The following GFI1B variants were observed in gnomAD, a reference collection of about 807,000 sequenced individuals.
The protein encoded by GFI1B is zinc finger protein Gfi-1b.
Under a neutral mutation model 35.3 loss-of-function variants are expected in GFI1B, and 20 were observed. That is an observed-to-expected ratio of 0.57 (90% CI 0.40 to 0.82). The LOEUF (loss-of-function observed/expected upper bound fraction) is 0.82, where lower values mean the gene tolerates loss of function less well. Ranked by LOEUF, GFI1B falls within the 40% of genes least tolerant of loss-of-function variation. The pLI is 0.00. For synonymous variants in GFI1B, 178 were observed against 177.6 expected (o/e 1.00, Z -0.02); for missense variants, 430 against 446.3 (o/e 0.96, Z 0.33).
chr9:132,974,993 G>C (rs571894730), upstream of GFI1B: 3 of 152,298 alleles, frequency 2.0e-5, no homozygotes, highest in African/African-American at 7.2e-5. Context: ...TACTGGGCAC[G>C]GTGGCATGCA....
chr9:132,988,411 C>G lies in GFI1B; in HGVS notation c.453C>G (p.Asp151Glu). Residue 151 changes from aspartate to glutamate, a missense_variant, in exon 4 of 7, where the codon GAC (aspartate) becomes GAG (glutamate). Transcript: ENST00000372122. ...TGCCCAGCACTGAGCCCGCCTTGGA[C>G]TTCAGCCTCCGCTACTCCCCAGGCA... ...PLVPSTEPAL[D>E]FSLRYSPGMD... is the part of the protein sequence containing the mutation. The G allele has an allele frequency of 6.2e-7, 1 of 1,614,110 alleles. No individual in the cohort carries two copies. The highest frequency in any genetic ancestry group is 8.5e-7 in the Non-Finnish European group (1 of 1,179,990).
chr9:132,950,223 A>T (rs1007191296), intron 1 of GFI1B, among the ~76,000 whole-genome samples: 9 of 152,120 alleles, frequency 5.9e-5, no homozygotes, highest in African/African-American at 2.2e-4. Flanking sequence ...ATGGCCAAAC[A>T]TGCTTTCCTT....
intron 3 of GFI1B, 87 bp downstream of exon 3, chr9:132,987,506 C>A: frequency 1.3e-6 from 2 of 1,506,354 alleles, no homozygotes; most frequent in Non-Finnish European, 1.8e-6. Flanking sequence ...CCCCTTGGGG[C>A]CCTGGAGTCA....
At chr9:132,953,975 C>T (rs1005167712) in intron 1 of GFI1B, among the ~76,000 whole-genome samples, 4 of 152,042 alleles carry the variant, frequency 2.6e-5, no homozygotes, top group Non-Finnish European at 5.9e-5. Flanking sequence ...AAACTATACA[C>T]TTCTATTTCC....
At chr9:132,960,529 C>T (rs1034790617) in intron 1 of GFI1B, among the ~76,000 whole-genome samples, 2 of 151,918 alleles carry the variant, frequency 1.3e-5, no homozygotes, top group Non-Finnish European at 2.9e-5. Context: ...GACAGGATCT[C>T]GCTTTGTCCC....
rs543789255 is a variant in GFI1B, at chr9:132,979,728, A to C, written c.-21+887A>C. On this transcript the variant is annotated intron_variant, in intron 1 of 6. Coordinates refer to ENST00000372122, the MANE Select transcript of GFI1B (RefSeq NM_001377304.1). Reference sequence around the variant, plus strand: ...CCCTTTCCACCTATTTTTGGAGAAAAAAAACCAAGTTTAAGTGTTGAGGCA... The same window carrying C: ...CCCTTTCCACCTATTTTTGGAGAAACAAAACCAAGTTTAAGTGTTGAGGCA... 3.9e-5 allele frequency among the ~76,000 whole-genome samples: 6 copies of C among 152,274 alleles called. No individual in the cohort carries two copies. In the East Asian group the frequency reaches 1.2e-3, roughly 29 times the overall value.
In GFI1B at chr9:132,991,298, T is replaced by C. The variant is rs1588444824; in HGVS notation, c.*248T>C. 1.8e-6 allele frequency: 1 copy of C among 559,434 alleles called. No homozygotes were observed. The highest frequency in any genetic ancestry group is 2.0e-5 in the South Asian group (1 of 49,982). 34.7% of individuals were successfully genotyped at this position (559,434 alleles called of 1,614,324 possible). On this transcript the variant is annotated 3_prime_UTR_variant, in exon 7 of 7. Coordinates refer to ENST00000372122, the MANE Select transcript of GFI1B (RefSeq NM_001377304.1). ...TTTCTCAGCAGAAGTTGTTTCCAGG[T>C]GTGCTCAAGTGCCTTCCTCTAGCAG...
chr9:132,987,642 C>T (rs923103774), intron 3 of GFI1B, among the ~76,000 whole-genome samples: 3 of 152,066 alleles, frequency 2.0e-5, no homozygotes, highest in South Asian at 2.1e-4. Flanking sequence ...GCAGCTGGGC[C>T]GGTCCGTGCA....
rs111313755 is a variant in GFI1B at position 132,982,947 on chromosome 9, G to A, written c.-20-3712G>A. Among the ~76,000 whole-genome samples, 41 of 152,254 alleles carry A rather than the reference G, an allele frequency of 2.7e-4. 1 individual carries two copies. The highest frequency in any genetic ancestry group is 8.9e-4 in the African/African-American group (37 of 41,542). On this transcript the variant is annotated intron_variant, in intron 1 of 6. Transcript: ENST00000372122. Reference sequence around the variant, plus strand: ...CCAGAAGCCAGCCCCATCTTGCCCTGTGCCTAAGTGAAAAGTGCTTGGCCA... The same window carrying A: ...CCAGAAGCCAGCCCCATCTTGCCCTATGCCTAAGTGAAAAGTGCTTGGCCA...
At chr9:132,977,201 C>A (rs1158268871), upstream of GFI1B, among the ~76,000 whole-genome samples, 1 of 152,148 alleles carries the variant, frequency 6.6e-6, no homozygotes, top group African/African-American at 2.4e-5. Flanking sequence ...AAGTGATCCT[C>A]GCCTGCCTCG....
At position 132,968,355 on chromosome 9, in the gene GFI1B, C is replaced by T. The variant is rs368566257; in HGVS notation, c.-700-4370C>T. On this transcript the variant is annotated intron_variant, in intron 1 of 10. Coordinates refer to the GFI1B transcript ENST00000339463. Reference sequence around the variant, plus strand: ...TGGGCTGGTCTCGAACTCCTGGGCTCGAGCAATCCTCCCACTTCAGCCTCC... The same window carrying T: ...TGGGCTGGTCTCGAACTCCTGGGCTTGAGCAATCCTCCCACTTCAGCCTCC... Among the ~76,000 whole-genome samples, 18 of 152,074 alleles carry T rather than the reference C, an allele frequency of 1.2e-4. No homozygotes were observed. The South Asian group carries it at 3.7e-3, about 32-fold the overall frequency.
upstream of GFI1B, among the ~76,000 whole-genome samples, chr9:132,975,783 C>T (rs1279283638): frequency 3.3e-5 from 5 of 152,206 alleles, no homozygotes; most frequent in East Asian, 1.9e-4. Flanking sequence ...AATGCGGAAG[C>T]GATTTAGCTC....
At chr9:132,985,230 C>T (rs1849000684) in intron 1 of GFI1B, among the ~76,000 whole-genome samples, 1 of 152,170 alleles carries the variant, frequency 6.6e-6, no homozygotes, top group South Asian at 2.1e-4. Context: ...TTCTGGGGGC[C>T]AGGCAGGGCT....
chr9:132,961,086 C>G (rs149585839), intron 1 of GFI1B, among the ~76,000 whole-genome samples: 1 of 152,054 alleles, frequency 6.6e-6, no homozygotes, highest in African/African-American at 2.4e-5. Context: ...ACACCCTACA[C>G]CAGAATAAAC....
upstream of GFI1B, among the ~76,000 whole-genome samples, chr9:132,975,550 C>T (rs1218742185): frequency 2.0e-5 from 3 of 152,186 alleles, no homozygotes; most frequent in Non-Finnish European, 4.4e-5. Context: ...TATCACAGCA[C>T]TTGTCACCCC....
In GFI1B at chr9:132,991,166, C is replaced by T. The variant is rs1326487730; in HGVS notation, c.*116C>T. On this transcript the variant is annotated 3_prime_UTR_variant, in exon 7 of 7. Coordinates refer to ENST00000372122, the MANE Select transcript of GFI1B (RefSeq NM_001377304.1). The stretch of plus-strand genomic sequence containing the variant: ...GAGGTGGGACTGGACAGGAGTCTAC[C>T]AGCTTGTTTTGAGACTCATGAAATT... 15 of 941,524 alleles carry T rather than the reference C, an allele frequency of 1.6e-5. No homozygotes were observed. The highest frequency in any genetic ancestry group is 2.8e-5 in the South Asian group (2 of 72,540). 58.3% of individuals were successfully genotyped at this position (941,524 alleles called of 1,614,324 possible). A position where few individuals can be genotyped will look rare whatever the true frequency, so the allele number is the denominator to read the frequency against.
chr9:132,957,896 AC>A (rs1401956342), intron 1 of GFI1B, among the ~76,000 whole-genome samples: 5 of 152,216 alleles, frequency 3.3e-5, no homozygotes, highest in Admixed American at 6.5e-5. Context: ...TGAGTACCGA[AC>A]AGTTTCCTAT....
At chr9:132,979,490 C>T (rs1227310266) in intron 1 of GFI1B, among the ~76,000 whole-genome samples, 1 of 152,130 alleles carries the variant, frequency 6.6e-6, no homozygotes, top group African/African-American at 2.4e-5. Context: ...CCACCTGCCT[C>T]AGCCTCCCAA....
intron 1 of GFI1B, among the ~76,000 whole-genome samples, chr9:132,979,246 CTTTTTTTTTTTTTT>C (rs34125755): frequency 4.2e-5 from 4 of 95,642 alleles, no homozygotes; most frequent in South Asian, 3.9e-4. Context: ...TCCTGGGACA[CTTTTTTTTTTTTTT>C]TTTTTTTTTT....
Sources: gnomAD v4.1 joint callset for allele counts (sites outside exome capture counted in the v4.1 genomes callset) on GRCh38, gnomAD v4.1.1 for gene constraint, MANE v1.5 for transcripts, NCBI Gene and HGNC (gene_info 2026-07-23, HGNC 2026-07-21) for gene names.